The following UNC5B variants were observed in gnomAD, a reference collection of about 807,000 sequenced individuals.
UNC5B encodes the protein unc-5 netrin receptor B, also known as netrin receptor UNC5B.
A neutral mutation model predicts 103.7 loss-of-function variants in UNC5B; 56 were observed. The observed-to-expected ratio is 0.54, with a 90% CI of 0.44 to 0.67. The LOEUF is 0.67. Among genes scored for constraint, UNC5B ranks in the 30% least tolerant of loss-of-function variants. UNC5B has a pLI of 0.00. For synonymous variants in UNC5B, 577 were observed against 542.0 expected, an observed-to-expected ratio of 1.06 and a Z score of -0.90; for missense variants, 1,194 against 1,284.5, an observed-to-expected ratio of 0.93 and a Z score of 1.08.
chr10:71,293,480 C>T lies in UNC5B; in HGVS notation c.1848C>T (p.Arg616=). Reference sequence around the variant, plus strand: ...GACCCACAGGCCTCCTGCTGTGCCGCCCCGTCATCCTCACCATGCCCCACT... The same window carrying T: ...GACCCACAGGCCTCCTGCTGTGCCGTCCCGTCATCCTCACCATGCCCCACT... ...TCGPTGLLLC[R]PVILTMPHCA... Residue 616 remains arginine, a synonymous_variant, in exon 12 of 17, where the codon CGC becomes CGT. Coordinates refer to ENST00000335350, the MANE Select transcript of UNC5B (RefSeq NM_170744.5). 1 of 1,614,092 alleles carries T rather than the reference C, an allele frequency of 6.2e-7. No homozygotes were observed. Among genetic ancestry groups the T allele is most frequent in the Non-Finnish European group, 8.5e-7 (1 of 1,180,024 alleles).
chr10:71,289,214 G>A (rs890740369), intron 8 of UNC5B, among the ~76,000 whole-genome samples: 1 of 152,228 alleles, frequency 6.6e-6, no homozygotes, highest in Non-Finnish European at 1.5e-5. Flanking sequence ...ACCCTACTGA[G>A]CCTCCTCTCA....
In UNC5B at chr10:71,213,091, CG is replaced by C; in HGVS notation, c.79+31del. The C allele has an allele frequency of 7.7e-7, 1 of 1,293,752 alleles. No individual in the cohort carries two copies. The allele number at this position is 1,293,752 out of a possible 1,614,324, so 80.1% of individuals were successfully genotyped here. A position where few individuals can be genotyped will look rare whatever the true frequency, so the allele number is the denominator to read the frequency against. ...TAGGAAGCGATCGGGTCTGGGGGCG[CG>C]GGGCTAGGGGACCCTTGCGCCTCAC... On this transcript the variant is annotated intron_variant, in intron 1 of 16. Coordinates refer to ENST00000335350, the MANE Select transcript of UNC5B (RefSeq NM_170744.5). The surrounding 1 kb of genome is among the most constrained non-coding windows in gnomAD (Gnocchi z 4.1).
At chr10:71,249,453 C>G (rs1238348291) in intron 1 of UNC5B, among the ~76,000 whole-genome samples, 1 of 152,202 alleles carries the variant, frequency 6.6e-6, no homozygotes, top group Non-Finnish European at 1.5e-5. Flanking sequence ...AGTGATAACC[C>G]TATGTGTGAG....
At chr10:71,283,828 G>T (rs1440181776) in intron 2 of UNC5B, among the ~76,000 whole-genome samples, 2 of 152,168 alleles carry the variant, frequency 1.3e-5, no homozygotes, top group Non-Finnish European at 2.9e-5. Context: ...GAGCCATTGA[G>T]AGATCAGGGG....
intron 1 of UNC5B, among the ~76,000 whole-genome samples, chr10:71,238,440 G>A (rs1186000640): frequency 1.3e-5 from 2 of 152,084 alleles, no homozygotes; most frequent in Non-Finnish European, 2.9e-5. Flanking sequence ...TTAGCGATAG[G>A]CCCTGCTGGA....
Position 71,212,597 on chromosome 10 carries a change from G to A in UNC5B, c.-389G>A, listed in dbSNP as rs369643790. On this transcript the variant is annotated 5_prime_UTR_variant, in exon 1 of 17. Transcript: ENST00000335350. ...TGTGGCAGGCGGCTGGGGCCGGCTA[G>A]GGCGCCGGAGCCGCACGCAGCCGCG... The A allele has an allele frequency of 1.0e-4, 16 of 160,606 alleles. No individual in the cohort carries two copies. In the East Asian group the frequency reaches 2.3e-3, roughly 23 times the overall value. 9.9% of individuals were successfully genotyped at this position (160,606 alleles called of 1,614,324 possible).
intron 1 of UNC5B, among the ~76,000 whole-genome samples, chr10:71,266,524 C>T (rs1415365506): frequency 2.6e-5 from 4 of 152,190 alleles, no homozygotes; most frequent in Admixed American, 2.0e-4. Context: ...CAGGGACGGG[C>T]GTCCCTCGGG....
At chr10:71,223,515 A>G (rs1409934824) in intron 1 of UNC5B, among the ~76,000 whole-genome samples, 1 of 152,124 alleles carries the variant, frequency 6.6e-6, no homozygotes, top group African/African-American at 2.4e-5. Context: ...CCAAATCTTC[A>G]GTGATCAGAG....
intron 6 of UNC5B, among the ~76,000 whole-genome samples, chr10:71,287,974 C>T (rs973852006): frequency 6.6e-6 from 1 of 152,212 alleles, no homozygotes; most frequent in Admixed American, 6.5e-5. Flanking sequence ...GAGGCAGAGG[C>T]TTTGAGGGTT....
Position 71,299,330 on chromosome 10 carries a change from G to A in UNC5B, c.*53G>A. 2 of 1,598,218 alleles carry A rather than the reference G, an allele frequency of 1.3e-6. No individual in the cohort carries two copies. The highest frequency in any genetic ancestry group is 3.4e-5 in the Admixed American group (2 of 59,178). ...ACTGGCAGGAGGCAGGTGCAGGGAG[G>A]CCTGGGGCAGCCTCCTGATGGGGAT... On this transcript the variant is annotated 3_prime_UTR_variant, in exon 17 of 17. Coordinates refer to ENST00000335350, the MANE Select transcript of UNC5B (RefSeq NM_170744.5).
At chr10:71,241,608 G>A (rs1307030800) in intron 1 of UNC5B, among the ~76,000 whole-genome samples, 1 of 152,094 alleles carries the variant, frequency 6.6e-6, no homozygotes, top group Non-Finnish European at 1.5e-5. Flanking sequence ...GGGAGGCTGA[G>A]CTGTACTTGA....
At chr10:71,220,159 G>C (rs1843424791) in intron 1 of UNC5B, among the ~76,000 whole-genome samples, 1 of 152,134 alleles carries the variant, frequency 6.6e-6, no homozygotes. Flanking sequence ...TTCTGACTCT[G>C]TGGGCTAGGA....
At chr10:71,220,584 G>C (rs1322154272) in intron 1 of UNC5B, among the ~76,000 whole-genome samples, 1 of 152,184 alleles carries the variant, frequency 6.6e-6, no homozygotes, top group Non-Finnish European at 1.5e-5. Flanking sequence ...TGGTGACGTT[G>C]GGCAGCTCAC....
rs796313101 is a variant in UNC5B, at chr10:71,254,649, C to T, written c.80-25172C>T. Among the ~76,000 whole-genome samples the T allele has an allele frequency of 2.6e-5, 4 of 152,368 alleles. 1 individual carries two copies. The highest frequency in any genetic ancestry group is 9.6e-5 in the African/African-American group (4 of 41,588). On this transcript the variant is annotated intron_variant, in intron 1 of 16. Coordinates refer to ENST00000335350, the MANE Select transcript of UNC5B (RefSeq NM_170744.5). ...CCATTCTCCCGCCTCCCACCTTCCT[C>T]CTGGCTGGAGAACAATGGGACATCC...
At chr10:71,252,552 C>G (rs1844197667) in intron 1 of UNC5B, among the ~76,000 whole-genome samples, 1 of 152,216 alleles carries the variant, frequency 6.6e-6, no homozygotes, top group Admixed American at 6.5e-5. Context: ...ATGACAACCA[C>G]TAGCAGTTTT....
At chr10:71,262,519 C>T (rs888066688) in intron 1 of UNC5B, among the ~76,000 whole-genome samples, 5 of 152,108 alleles carry the variant, frequency 3.3e-5, no homozygotes, top group African/African-American at 4.8e-5. Context: ...CAGAGGAGCC[C>T]GCCCGGGAGA....
chr10:71,252,376 A>G (rs1844192930), intron 1 of UNC5B, among the ~76,000 whole-genome samples: 1 of 152,180 alleles, frequency 6.6e-6, no homozygotes, highest in Non-Finnish European at 1.5e-5. Context: ...TGAGTCCCAG[A>G]GCCCTGCAGT....
intron 1 of UNC5B, among the ~76,000 whole-genome samples, chr10:71,248,856 C>G (rs1190894307): frequency 3.2e-5 from 1 of 31,232 alleles, no homozygotes; most frequent in African/African-American, 1.1e-4. Context: ...CTGTCTCTCT[C>G]TCTCTCTCTC....
At chr10:71,288,790 C>A in intron 7 of UNC5B, 58 bp downstream of exon 7, 1 of 1,545,892 alleles carries the variant, frequency 6.5e-7, no homozygotes, top group South Asian at 1.2e-5. Context: ...ATGTAAGGGT[C>A]CCCCAAACCC....
Sources: allele counts gnomAD v4.1 joint callset (sites outside exome capture counted in the v4.1 genomes callset), GRCh38; gene constraint gnomAD v4.1.1; non-coding constraint Gnocchi (gnomAD v3.1); transcripts MANE v1.5; gene names NCBI Gene and HGNC (gene_info 2026-07-23, HGNC 2026-07-21).